DUSP10: variants seen among roughly 807,000 people sequenced by gnomAD.
DUSP10 encodes the protein dual specificity phosphatase 10.
DUSP10 carries 14 observed loss-of-function variants against 30.8 expected under a neutral mutation model. The observed-to-expected ratio is 0.46, with a 90% CI of 0.30 to 0.71. The LOEUF (loss-of-function observed/expected upper bound fraction) is 0.71. Among genes scored for constraint, DUSP10 ranks in the 30% least tolerant of loss-of-function variants. DUSP10 has a pLI of 0.08. For synonymous variants in DUSP10, 254 were observed against 250.4 expected (o/e 1.01, Z -0.14); for missense variants, 550 against 619.4 (o/e 0.89, Z 1.19).
chr1:221,740,731 C>T (rs1271264530), intron 1 of DUSP10, among the ~76,000 whole-genome samples: 2 of 152,218 alleles, frequency 1.3e-5, no homozygotes, highest in African/African-American at 4.8e-5. Flanking sequence ...GATATCCCCC[C>T]TTCAAGAGTA....
chr1:221,703,735 C>CT (rs1231894971), intron 3 of DUSP10, among the ~76,000 whole-genome samples: 2 of 152,182 alleles, frequency 1.3e-5, no homozygotes, highest in Non-Finnish European at 2.9e-5. Context: ...TTTCTAGACT[C>CT]TAACACATCC....
chr1:221,727,788 G>A (rs1661467431), intron 2 of DUSP10, among the ~76,000 whole-genome samples: 1 of 152,014 alleles, frequency 6.6e-6, no homozygotes. Flanking sequence ...TTTAAATTTT[G>A]TTCTCCATTC....
intron 2 of DUSP10, among the ~76,000 whole-genome samples, chr1:221,732,698 A>T (rs549275343): frequency 1.8e-4 from 28 of 152,354 alleles, no homozygotes; most frequent in African/African-American, 6.7e-4. Context: ...CTGTAGTGGC[A>T]TAATGAGAAT....
intron 2 of DUSP10, among the ~76,000 whole-genome samples, chr1:221,718,999 A>G (rs1245824047): frequency 1.3e-5 from 2 of 152,242 alleles, no homozygotes; most frequent in East Asian, 3.8e-4. Context: ...AAGCCTGGAT[A>G]GGGTTCCATT....
intron 2 of DUSP10, among the ~76,000 whole-genome samples, chr1:221,725,936 C>T (rs760954952): frequency 1.6e-4 from 25 of 152,208 alleles, no homozygotes; most frequent in Non-Finnish European, 2.9e-4. Context: ...TCATTCACTT[C>T]CACAATAGCT....
rs1478066313 is a variant in DUSP10 at position 221,718,779 on chromosome 1, A to C, written c.812-12313T>G. On this transcript the variant is annotated intron_variant, in intron 2 of 3. Transcript: ENST00000366899. ...TTAGACCCCAAATTAAACACATCAC[A>C]GCTTCACAGCAAAAGTATGTTTCCC... is the stretch of plus-strand genomic sequence containing the variant. Among the ~76,000 whole-genome samples, 30 of 152,250 alleles carry C rather than the reference A, an allele frequency of 2.0e-4. 1 individual carries two copies.
Position 221,702,194 on chromosome 1 carries a change from C to A in DUSP10, c.*218G>T. On this transcript the variant is annotated 3_prime_UTR_variant, in exon 4 of 4. Transcript: ENST00000366899. This position sits in a 1 kb window ranked among gnomAD's most constrained non-coding sequence, Gnocchi z 4.5. Reference sequence around the variant, plus strand: ...GGCTTAAAAAAATTACTTCTTTAACCTCCTTAATTTGTCAGTTTGTGGGAG... The same window carrying A: ...GGCTTAAAAAAATTACTTCTTTAACATCCTTAATTTGTCAGTTTGTGGGAG... 3 of 537,564 alleles carry A rather than the reference C, an allele frequency of 5.6e-6. No homozygotes were observed. The South Asian group carries it at 7.8e-5, about 14-fold the overall frequency. The allele number at this position is 537,564 out of a possible 1,614,324, so 33.3% of individuals were successfully genotyped here.
chr1:221,704,987 T>A (rs562571653), intron 3 of DUSP10, among the ~76,000 whole-genome samples: 1 of 152,214 alleles, frequency 6.6e-6, no homozygotes, highest in African/African-American at 2.4e-5. Context: ...AATAACAACC[T>A]GCTGTAATAT....
chr1:221,722,704 T>C (rs1661311214), intron 2 of DUSP10, among the ~76,000 whole-genome samples: 4 of 152,200 alleles, frequency 2.6e-5, no homozygotes, highest in African/African-American at 7.2e-5. Context: ...GAGATACTCA[T>C]AGGAGTCAAC....
chr1:221,708,338 G>C (rs1317160072), intron 2 of DUSP10, among the ~76,000 whole-genome samples: 2 of 152,186 alleles, frequency 1.3e-5, no homozygotes, highest in Non-Finnish European at 2.9e-5. Context: ...ACCACAGCGG[G>C]AAACTCCAGA....
intron 2 of DUSP10, among the ~76,000 whole-genome samples, chr1:221,728,221 T>G (rs1243722663): frequency 2.0e-5 from 3 of 152,234 alleles, no homozygotes; most frequent in African/African-American, 4.8e-5. Context: ...TATGGTTCTT[T>G]GTAAATTACT....
intron 2 of DUSP10, among the ~76,000 whole-genome samples, chr1:221,731,295 C>A (rs955929244): frequency 6.6e-6 from 1 of 152,048 alleles, no homozygotes; most frequent in Non-Finnish European, 1.5e-5. Context: ...CAGGCCAAAA[C>A]CTTGCCTCTG....
intron 2 of DUSP10, among the ~76,000 whole-genome samples, chr1:221,715,498 C>G (rs1260643077): frequency 6.6e-6 from 1 of 152,170 alleles, no homozygotes; most frequent in African/African-American, 2.4e-5. Context: ...TCTCTTGCCC[C>G]CCTCCTACCA....
At position 221,739,437 on chromosome 1, in the gene DUSP10, G is replaced by T. The variant is rs1182469395; in HGVS notation, c.308C>A (p.Thr103Asn). The part of the protein sequence containing the change: ...QTQAIAAGTT[T>N]TAIGTSTTCP... ...GGTGGTAGAGGTTCCGATGGCAGTG[G>T]TGGTGGTGCCAGCGGCAATGGCTTG... Residue 103 changes from threonine (T) to asparagine (N), a missense_variant, in exon 2 of 4, where the codon ACC becomes AAC. Thr to Asn is a moderately conservative substitution (Grantham distance 65). Transcript: ENST00000366899. 6.2e-7 allele frequency: 1 copy of T among 1,614,094 alleles called. No homozygotes were observed. The highest frequency in any genetic ancestry group is 1.1e-5 in the South Asian group (1 of 91,090).
intron 2 of DUSP10, among the ~76,000 whole-genome samples, chr1:221,733,998 C>T (rs1299934642): frequency 6.6e-6 from 1 of 152,220 alleles, no homozygotes; most frequent in Non-Finnish European, 1.5e-5. Context: ...AGTTTCAGGA[C>T]TTCCTGAAAG....
chr1:221,728,681 T>C (rs755757437), intron 2 of DUSP10, among the ~76,000 whole-genome samples: 1 of 152,242 alleles, frequency 6.6e-6, no homozygotes, highest in Admixed American at 6.5e-5. Context: ...GTTTTCATTA[T>C]CATCCACACT....
rs147476504 is a variant in DUSP10 at position 221,731,991 on chromosome 1, C to A, written c.811+6943G>T. Among the ~76,000 whole-genome samples, 289 of 152,206 alleles carry A rather than the reference C, an allele frequency of 1.9e-3. 2 individuals are homozygous for A. Among genetic ancestry groups the A allele is most frequent in the African/African-American group, 6.6e-3 (274 of 41,528 alleles). On this transcript the variant is annotated intron_variant, in intron 2 of 3. Transcript: ENST00000366899. ...CAAAATTTCGTGAAGATGAAACACT[C>A]CCTAAATAAGATTGTGTGGCAGAAG...
Position 221,706,441 on chromosome 1 carries a change from G to A in DUSP10, c.837C>T (p.Asn279=). ...GGGAGTTGTCACAGAGGTTTTCATG[G>A]TTCTGCTTAAAACTACTAAGTCCAC... ...LKGGLSSFKQ[N]HENLCDNSLQ... is the part of the protein sequence containing the mutation. Residue 279 remains asparagine, a synonymous_variant, in exon 3 of 4, where the codon AAC becomes AAT. Transcript: ENST00000366899. The surrounding 1 kb of genome is among the most constrained non-coding windows in gnomAD (Gnocchi z 4.6). 1 of 1,525,190 alleles carries A rather than the reference G, an allele frequency of 6.6e-7. No homozygotes were observed. 94.5% of individuals were successfully genotyped at this position (1,525,190 alleles called of 1,614,324 possible).
At chr1:221,735,282 A>G (rs1661732012) in intron 2 of DUSP10, among the ~76,000 whole-genome samples, 1 of 152,146 alleles carries the variant, frequency 6.6e-6, no homozygotes, top group African/African-American at 2.4e-5. Flanking sequence ...GCTCTGACAT[A>G]CCAGGGAGGA....
Sources: allele counts gnomAD v4.1 joint callset (sites outside exome capture counted in the v4.1 genomes callset), GRCh38; gene constraint gnomAD v4.1.1; non-coding constraint Gnocchi (gnomAD v3.1); transcripts MANE v1.5; gene names NCBI Gene and HGNC (gene_info 2026-07-23, HGNC 2026-07-21).